NEGR1: variants seen among roughly 807,000 people sequenced by gnomAD.
The protein encoded by NEGR1 is IgLON family member 4.
NEGR1 carries 10 observed loss-of-function variants against 40.9 expected under a neutral mutation model. That is an observed-to-expected ratio of 0.24 (90% confidence interval 0.15 to 0.42). The LOEUF is 0.42. Ranked by LOEUF, NEGR1 falls within the 10% of genes least tolerant of loss-of-function variation. The pLI is 1.00. For missense variants in NEGR1, 352 were observed against 438.9 expected, an observed-to-expected ratio of 0.80 and a Z score of 1.77; for synonymous variants, 185 against 166.8, an observed-to-expected ratio of 1.11 and a Z score of -0.84.
At chr1:72,007,247 A>G (rs1646615808) in intron 1 of NEGR1, among the ~76,000 whole-genome samples, 1 of 152,092 alleles carries the variant, frequency 6.6e-6, no homozygotes, top group South Asian at 2.1e-4. Context: ...TTTCATTTTT[A>G]ATTTTCTTCT....
rs570478961 is a variant in NEGR1 at position 71,700,861 on chromosome 1, A to G, written c.536-2722T>C. On this transcript the variant is annotated intron_variant, in intron 3 of 6. Transcript: ENST00000357731. ...TTCTGGGAGGGACAATACTAATTGC[A>G]TGAATTCGTAAAAGTAGAAGAGGTA... 5.9e-5 allele frequency among the ~76,000 whole-genome samples: 9 copies of G among 152,128 alleles called. No individual in the cohort carries two copies. In the South Asian group the frequency reaches 1.7e-3, roughly 28 times the overall value.
chr1:72,121,331 A>T lies in NEGR1; in HGVS notation c.176+160988T>A, dbSNP rs115682976. On this transcript the variant is annotated intron_variant, in intron 1 of 6. Coordinates refer to ENST00000357731, the MANE Select transcript of NEGR1 (RefSeq NM_173808.3). Reference sequence around the variant, plus strand: ...TCCATACTTCCAAGAAGACAATACTATAAGTACGTAAGTTTGCCATGGGAT... The same window carrying T: ...TCCATACTTCCAAGAAGACAATACTTTAAGTACGTAAGTTTGCCATGGGAT... Among the ~76,000 whole-genome samples the T allele has an allele frequency of 6.4e-3, 969 of 152,164 alleles. 12 individuals are homozygous for T. Among genetic ancestry groups the T allele is most frequent in the African/African-American group, 0.022 (924 of 41,552 alleles).
chr1:71,752,504 A>G (rs972914196), intron 3 of NEGR1, among the ~76,000 whole-genome samples: 1 of 152,206 alleles, frequency 6.6e-6, no homozygotes, highest in African/African-American at 2.4e-5. Flanking sequence ...ATGTAAGATT[A>G]TCAACTATTC....
At chr1:71,922,632 A>G (rs1477494446) in intron 2 of NEGR1, among the ~76,000 whole-genome samples, 3 of 152,208 alleles carry the variant, frequency 2.0e-5, no homozygotes. Flanking sequence ...ATCACTTGGA[A>G]TCAGTGAGAG....
At chr1:71,798,473 T>C (rs1366463512) in intron 2 of NEGR1, among the ~76,000 whole-genome samples, 1 of 152,138 alleles carries the variant, frequency 6.6e-6, no homozygotes, top group Non-Finnish European at 1.5e-5. Context: ...ACAGGATAAA[T>C]AATAACTAGC....
At chr1:71,865,945 G>A (rs958706417) in intron 2 of NEGR1, among the ~76,000 whole-genome samples, 1 of 152,018 alleles carries the variant, frequency 6.6e-6, no homozygotes, top group Non-Finnish European at 1.5e-5. Flanking sequence ...TCTTAGACAT[G>A]TCTTATGAAT....
chr1:72,122,133 C>A (rs1023603284), intron 1 of NEGR1, among the ~76,000 whole-genome samples: 5 of 151,948 alleles, frequency 3.3e-5, no homozygotes, highest in Admixed American at 2.0e-4. Flanking sequence ...ATCAAAAACA[C>A]CAAAACTCCC....
intron 2 of NEGR1, among the ~76,000 whole-genome samples, chr1:71,912,480 G>T (rs1039659475): frequency 2.6e-5 from 4 of 152,110 alleles, no homozygotes; most frequent in African/African-American, 4.8e-5. Context: ...ACCACAAAAG[G>T]TAGCATATTC....
intron 1 of NEGR1, among the ~76,000 whole-genome samples, chr1:72,261,947 C>T (rs1366615280): frequency 6.6e-6 from 1 of 151,812 alleles, no homozygotes; most frequent in Non-Finnish European, 1.5e-5. Flanking sequence ...ACACTAAATG[C>T]CTAGACTTTG....
At chr1:71,467,100 A>G (rs1444735833) in intron 6 of NEGR1, among the ~76,000 whole-genome samples, 1 of 152,124 alleles carries the variant, frequency 6.6e-6, no homozygotes, top group Non-Finnish European at 1.5e-5. Flanking sequence ...CATACATTAT[A>G]AAGTTAAATG....
At chr1:71,672,723 A>C (rs562716797) in intron 4 of NEGR1, among the ~76,000 whole-genome samples, 1 of 152,312 alleles carries the variant, frequency 6.6e-6, no homozygotes, top group Non-Finnish European at 1.5e-5. Flanking sequence ...TAAAAAAAAT[A>C]AAAAACCCAG....
chr1:71,962,117 T>C (rs570654401), intron 1 of NEGR1, among the ~76,000 whole-genome samples: 2 of 152,150 alleles, frequency 1.3e-5, no homozygotes, highest in East Asian at 3.9e-4. Context: ...TAAAAAGTGA[T>C]GAATGCCAAA....
intron 1 of NEGR1, among the ~76,000 whole-genome samples, chr1:72,263,442 A>C (rs1473349530): frequency 6.6e-6 from 1 of 151,568 alleles, no homozygotes; most frequent in Non-Finnish European, 1.5e-5. Context: ...AGCAGTCCCC[A>C]AGAAACATCA....
chr1:71,738,032 A>G (rs1482508723), intron 3 of NEGR1: 1 of 152,438 alleles, frequency 6.6e-6, no homozygotes. Context: ...GAAGTAATGA[A>G]GTATCATCCT....
rs576981941 is a variant in NEGR1, at chr1:71,483,024, C to T, written c.941-75454G>A. Among the ~76,000 whole-genome samples the T allele has an allele frequency of 4.6e-5, 7 of 151,716 alleles. No homozygotes were observed. The East Asian group carries it at 1.4e-3, about 30-fold the overall frequency. Reference sequence around the variant, plus strand: ...TGGTAGGTGGGATGCAGCTGGAAAGCGGATAGTCAGGATAGGGCACACCCA... The same window carrying T: ...TGGTAGGTGGGATGCAGCTGGAAAGTGGATAGTCAGGATAGGGCACACCCA... On this transcript the variant is annotated intron_variant, in intron 6 of 6. Transcript: ENST00000357731.
At chr1:72,053,040 A>T (rs966072591) in intron 1 of NEGR1, among the ~76,000 whole-genome samples, 3 of 151,372 alleles carry the variant, frequency 2.0e-5, no homozygotes, top group Non-Finnish European at 4.4e-5. Context: ...ATCAAGTTTT[A>T]TTACAGTTTT....
chr1:72,034,227 C>G (rs1646883383), intron 1 of NEGR1, among the ~76,000 whole-genome samples: 1 of 152,146 alleles, frequency 6.6e-6, no homozygotes, highest in Non-Finnish European at 1.5e-5. Flanking sequence ...CATAGTGGTC[C>G]TCGCCAAAAC....
chr1:71,871,552 C>A (rs1660278658), intron 2 of NEGR1, among the ~76,000 whole-genome samples: 1 of 152,160 alleles, frequency 6.6e-6, no homozygotes, highest in Admixed American at 6.5e-5. Context: ...GCAGCCCTGT[C>A]AGTTGCATAC....
chr1:71,636,200 T>C lies in NEGR1; in HGVS notation c.668-25054A>G, dbSNP rs550372579. 2.6e-5 allele frequency among the ~76,000 whole-genome samples: 4 copies of C among 152,232 alleles called. No individual in the cohort carries two copies. In the South Asian group the frequency reaches 8.3e-4, roughly 32 times the overall value. On this transcript the variant is annotated intron_variant, in intron 4 of 6. Coordinates refer to ENST00000357731, the MANE Select transcript of NEGR1 (RefSeq NM_173808.3). ...AATAAGTCCTAATGAAGAAATATTGTTGGCCTTGCCAAAATGGAAAGTAAA... is the reference window on the plus strand; with the variant it reads ...AATAAGTCCTAATGAAGAAATATTGCTGGCCTTGCCAAAATGGAAAGTAAA...
Sources: gnomAD v4.1 joint callset for allele counts (sites outside exome capture counted in the v4.1 genomes callset) on GRCh38, gnomAD v4.1.1 for gene constraint, MANE v1.5 for transcripts, NCBI Gene and HGNC (gene_info 2026-07-23, HGNC 2026-07-21) for gene names.